The following AGBL4 variants were observed in gnomAD, a reference collection of about 807,000 sequenced individuals.
The protein encoded by AGBL4 is cytosolic carboxypeptidase 6.
Under a neutral mutation model 66.4 loss-of-function variants are expected in AGBL4, and 58 were observed. The ratio of observed to expected loss-of-function variants is 0.87; its 90% CI spans 0.71 to 1.09. The LOEUF is 1.09. Ranked by LOEUF, AGBL4 falls within the 50% of genes least tolerant of loss-of-function variation. AGBL4 has a pLI of 0.00. For missense variants in AGBL4, 579 were observed against 631.0 expected (o/e 0.92, Z 0.88); for synonymous variants, 234 against 222.9 (o/e 1.05, Z -0.44).
intron 5 of AGBL4, among the ~76,000 whole-genome samples, chr1:48,995,103 C>G (rs970167147): frequency 1.3e-5 from 2 of 152,146 alleles, no homozygotes; most frequent in Non-Finnish European, 2.9e-5. Flanking sequence ...GGCTGTGTAC[C>G]TCTCTTCATT....
intron 5 of AGBL4, among the ~76,000 whole-genome samples, chr1:49,015,247 A>G (rs1662725212): frequency 1.3e-5 from 2 of 152,034 alleles, no homozygotes; most frequent in South Asian, 2.1e-4. Context: ...GAATCATGCC[A>G]TACTTCTTTT....
At chr1:49,985,040 T>G (rs573935189) in intron 1 of AGBL4, among the ~76,000 whole-genome samples, 3 of 152,286 alleles carry the variant, frequency 2.0e-5, no homozygotes, top group African/African-American at 7.2e-5. Context: ...CCAGCACTTC[T>G]TGCCCAACTA....
At chr1:49,741,011 C>T in intron 2 of AGBL4, among the ~76,000 whole-genome samples, 1 of 152,044 alleles carries the variant, frequency 6.6e-6, no homozygotes, top group Non-Finnish European at 1.5e-5. Context: ...AGAGAAAACA[C>T]ATTCAAAAGC....
intron 9 of AGBL4, among the ~76,000 whole-genome samples, chr1:48,615,353 G>A (rs1418617589): frequency 6.6e-6 from 1 of 152,200 alleles, no homozygotes; most frequent in East Asian, 1.9e-4. Flanking sequence ...GAAGGAAGCT[G>A]CATCTTACCA....
At chr1:49,258,614 T>C (rs1652781525) in intron 3 of AGBL4, among the ~76,000 whole-genome samples, 1 of 151,968 alleles carries the variant, frequency 6.6e-6, no homozygotes, top group Non-Finnish European at 1.5e-5. Flanking sequence ...GAAAAAAGAA[T>C]AAAAAGAAAC....
intron 3 of AGBL4, among the ~76,000 whole-genome samples, chr1:49,512,181 T>C (rs760891326): frequency 3.2e-4 from 48 of 151,956 alleles, no homozygotes; most frequent in Non-Finnish European, 5.9e-4. Context: ...AAAAGCTCTA[T>C]ATTGAAAATG....
chr1:49,498,068 T>C lies in AGBL4; in HGVS notation c.282+199245A>G, dbSNP rs548601126. Among the ~76,000 whole-genome samples, 610 of 152,126 alleles carry C rather than the reference T, an allele frequency of 4.0e-3. 4 individuals are homozygous for C. The highest frequency in any genetic ancestry group is 6.7e-3 in the Non-Finnish European group (452 of 67,932). ...TTTGTCAGTGTTTTGTAATTTTCAG[T>C]GTACAGGCCTTTCATTTCCTTGGTT... On this transcript the variant is annotated intron_variant, in intron 3 of 13. Coordinates refer to ENST00000371839, the MANE Select transcript of AGBL4 (RefSeq NM_032785.4).
chr1:49,768,008 G>GAAAAA (rs1055085197), intron 2 of AGBL4, among the ~76,000 whole-genome samples: 1 of 149,056 alleles, frequency 6.7e-6, no homozygotes, highest in Non-Finnish European at 1.5e-5. Context: ...GGATCTCAAA[G>GAAAAA]AAAAAAAACA....
intron 3 of AGBL4, among the ~76,000 whole-genome samples, chr1:49,693,138 G>A (rs1571341369): frequency 6.6e-6 from 1 of 152,066 alleles, no homozygotes; most frequent in Non-Finnish European, 1.5e-5. Context: ...AACAAAGCAA[G>A]AAATTCAAAT....
intron 6 of AGBL4, among the ~76,000 whole-genome samples, chr1:48,846,228 G>T (rs1646904788): frequency 6.6e-6 from 1 of 151,850 alleles, no homozygotes; most frequent in African/African-American, 2.4e-5. Context: ...AAAAGAAAGG[G>T]GCCTGCTATA....
intron 3 of AGBL4, among the ~76,000 whole-genome samples, chr1:49,546,000 C>T (rs974939513): frequency 3.3e-5 from 5 of 152,090 alleles, no homozygotes; most frequent in Admixed American, 2.0e-4. Context: ...ATACAATGCA[C>T]CATATTTGTA....
chr1:48,576,334 C>T (rs990038025), intron 11 of AGBL4, among the ~76,000 whole-genome samples: 4 of 152,182 alleles, frequency 2.6e-5, no homozygotes, highest in African/African-American at 9.7e-5. Flanking sequence ...AACCATCTCC[C>T]CTCCTAACCC....
At chr1:48,526,080 A>T in the AGBL4 span, among the ~76,000 whole-genome samples, 4 of 152,206 alleles carry the variant, frequency 2.6e-5, no homozygotes, top group Non-Finnish European at 5.9e-5. Flanking sequence ...TACAGGACAT[A>T]TGGGGACATC....
chr1:49,032,775 G>T (rs1261648790), intron 5 of AGBL4, among the ~76,000 whole-genome samples: 1 of 152,150 alleles, frequency 6.6e-6, no homozygotes, highest in Admixed American at 6.5e-5. Context: ...GGAAGGGACA[G>T]ATTCTATGGA....
chr1:48,670,587 G>A (rs1646261140), intron 6 of AGBL4, among the ~76,000 whole-genome samples: 1 of 152,270 alleles, frequency 6.6e-6, no homozygotes. Flanking sequence ...TCCCCAGACA[G>A]GCTGCTCTGT....
chr1:48,686,097 G>T (rs1646526964), intron 6 of AGBL4, among the ~76,000 whole-genome samples: 1 of 152,166 alleles, frequency 6.6e-6, no homozygotes, highest in Non-Finnish European at 1.5e-5. Flanking sequence ...CCATTTTACA[G>T]ATGACAAAAC....
intron 2 of AGBL4, among the ~76,000 whole-genome samples, chr1:49,705,307 T>G (rs1647188432): frequency 6.6e-6 from 1 of 152,096 alleles, no homozygotes. Context: ...AGTTATCAGG[T>G]TAAGAATATT....
intron 6 of AGBL4, among the ~76,000 whole-genome samples, chr1:48,734,685 T>C (rs1041931200): frequency 6.6e-6 from 1 of 152,214 alleles, no homozygotes; most frequent in African/African-American, 2.4e-5. Context: ...ATTATAAAGA[T>C]GCTTCTTCCA....
At chr1:48,574,146 C>A (rs1175819365) in intron 11 of AGBL4, among the ~76,000 whole-genome samples, 3 of 152,196 alleles carry the variant, frequency 2.0e-5, no homozygotes, top group African/African-American at 7.2e-5. Flanking sequence ...TTTAGTGGAG[C>A]AATCAGAGGA....
Sources: allele counts gnomAD v4.1 joint callset (sites outside exome capture counted in the v4.1 genomes callset), GRCh38; gene constraint gnomAD v4.1.1; transcripts MANE v1.5; gene names NCBI Gene and HGNC (gene_info 2026-07-23, HGNC 2026-07-21).